NUP43: variants seen among roughly 807,000 people sequenced by gnomAD.
NUP43 encodes the protein nucleoporin 43, also known as nucleoporin Nup43.
In NUP43, 32 loss-of-function variants were observed where a neutral mutation model predicts 47.3. That is an observed-to-expected ratio of 0.68 (90% CI 0.51 to 0.91). The LOEUF (loss-of-function observed/expected upper bound fraction) is 0.91, where lower values mean the gene tolerates loss of function less well. NUP43 is among the 40% of genes least tolerant of loss of function. The probability of loss-of-function intolerance (pLI) is 0.00; values close to 1 mark genes in which losing one functional copy is unlikely to be tolerated. For missense variants in NUP43, 444 were observed against 453.9 expected, an observed-to-expected ratio of 0.98 and a Z score of 0.20; for synonymous variants, 147 against 158.4, an observed-to-expected ratio of 0.93 and a Z score of 0.54.
At chr6:149,730,303 C>T (rs576680765) in intron 7 of NUP43, among the ~76,000 whole-genome samples, 2 of 152,338 alleles carry the variant, frequency 1.3e-5, no homozygotes, top group Admixed American at 6.5e-5. Context: ...GCCACCACAC[C>T]CGGCCTGAGA....
chr6:149,743,240 C>T (rs1785763134), intron 3 of NUP43, among the ~76,000 whole-genome samples: 1 of 151,476 alleles, frequency 6.6e-6, no homozygotes, highest in Admixed American at 6.6e-5. Context: ...ATAGCTTTTT[C>T]TAAATGACTC....
Position 149,736,575 on chromosome 6 carries a change from T to C in NUP43, c.686A>G (p.Gln229Arg). 6.2e-7 allele frequency: 1 copy of C among 1,610,428 alleles called. No homozygotes were observed. Among genetic ancestry groups the C allele is most frequent in the Admixed American group, 1.7e-5 (1 of 59,984 alleles). Residue 229 changes from glutamine to arginine, a missense_variant, in exon 6 of 8, where the codon CAA becomes CGA. Physicochemically the swap from Gln to Arg is conservative, Grantham distance 43 (BLOSUM62 1). Coordinates refer to ENST00000340413, the MANE Select transcript of NUP43 (RefSeq NM_198887.3). ...PLHCVDRHPN[Q>R]QHVVATGGQD... ...GCCACCAGTAGCTACAACATGCTGT[T>C]GGTTGGGATGTCTATCAACACAGTG...
chr6:149,732,018 C>T (rs540362602), intron 6 of NUP43, among the ~76,000 whole-genome samples: 1 of 151,782 alleles, frequency 6.6e-6, no homozygotes, highest in African/African-American at 2.4e-5. Context: ...ACCATCTCTA[C>T]TAAAAATACA....
Position 149,731,677 on chromosome 6 carries a change from A to C in NUP43, c.849T>G (p.Asp283Glu), listed in dbSNP as rs1362788149. Residue 283 changes from aspartate (D) to glutamate (E), a missense_variant, in exon 7 of 8, where the codon GAT becomes GAG. Asp to Glu is a conservative substitution (Grantham distance 45). Transcript: ENST00000340413. ...AAGCATCCCAGTGCCAGAGGGATCC[A>C]TCTTCAGAGCAGGTAAAAAGATGTT... ...NPEHLFTCSE[D>E]GSLWHWDAST... 6 of 1,613,876 alleles carry C rather than the reference A, an allele frequency of 3.7e-6. No homozygotes were observed. The highest frequency in any genetic ancestry group is 5.1e-6 in the Non-Finnish European group (6 of 1,179,806).
intron 7 of NUP43, chr6:149,727,417 A>T (rs1784840028): frequency 1.0e-6 from 1 of 984,012 alleles, no homozygotes; most frequent in Non-Finnish European, 1.2e-6. Context: ...TGGATACCAA[A>T]CTCGAAGTCT....
chr6:149,744,992 C>T (rs969618661), intron 2 of NUP43, among the ~76,000 whole-genome samples: 1 of 150,380 alleles, frequency 6.6e-6, no homozygotes, highest in South Asian at 2.1e-4. Flanking sequence ...ACCTCTGCGC[C>T]CGGGTTCAAG....
chr6:149,735,536 A>T (rs556720591), intron 6 of NUP43, among the ~76,000 whole-genome samples: 1 of 144,140 alleles, frequency 6.9e-6, no homozygotes, highest in African/African-American at 2.6e-5. Context: ...TCAAGGCTGC[A>T]ATGAGCTATG....
At position 149,739,310 on chromosome 6, in the gene NUP43, T is replaced by C. The variant is rs147378737; in HGVS notation, c.503-532A>G. 1.1e-3 allele frequency among the ~76,000 whole-genome samples: 170 copies of C among 151,996 alleles called. 1 individual carries two copies. Among genetic ancestry groups the C allele is most frequent in the African/African-American group, 4.0e-3 (166 of 41,504 alleles). ...TTCTTTTTCTTTTTGTTTTTTGAGA[T>C]GGATCTCGCTCTGTCACCCAGGCTA... On this transcript the variant is annotated intron_variant, in intron 4 of 7. Transcript: ENST00000340413.
chr6:149,742,589 G>A lies in NUP43; in HGVS notation c.322-19C>T. On this transcript the variant is annotated intron_variant, in intron 3 of 7. Transcript: ENST00000340413. ...ACAGAGTCTAGGCATCAGAAATGAG[G>A]ATACTATTAAAGCAAAGTACTAAGG... is the stretch of plus-strand genomic sequence containing the variant. 1 of 1,605,960 alleles carries A rather than the reference G, an allele frequency of 6.2e-7. No homozygotes were observed. The highest frequency in any genetic ancestry group is 2.2e-5 in the East Asian group (1 of 44,720).
At chr6:149,743,602 A>C in intron 3 of NUP43, 36 bp downstream of exon 3, 3 of 1,422,518 alleles carry the variant, frequency 2.1e-6, no homozygotes, top group Non-Finnish European at 2.9e-6. Flanking sequence ...CATTTCAAAA[A>C]AAAAAAAAAT....
At chr6:149,732,544 T>C (rs565113117) in intron 6 of NUP43, among the ~76,000 whole-genome samples, 63 of 133,112 alleles carry the variant, frequency 4.7e-4, no homozygotes, top group Middle Eastern at 6.3e-3. Flanking sequence ...TGAGACTCTG[T>C]CTCAAGGAAA....
chr6:149,733,056 T>G (rs1204016094), intron 6 of NUP43, among the ~76,000 whole-genome samples: 1 of 152,110 alleles, frequency 6.6e-6, no homozygotes, highest in Non-Finnish European at 1.5e-5. Flanking sequence ...GGAATGACTG[T>G]CTTTTACGGA....
intron 6 of NUP43, among the ~76,000 whole-genome samples, chr6:149,735,086 G>A (rs1273824094): frequency 6.6e-6 from 1 of 151,986 alleles, no homozygotes; most frequent in Non-Finnish European, 1.5e-5. Flanking sequence ...TTCAGGGAGT[G>A]GGGTCTCACT....
chr6:149,745,516 A>C (rs942744424), intron 2 of NUP43, among the ~76,000 whole-genome samples: 5 of 152,132 alleles, frequency 3.3e-5, no homozygotes, highest in African/African-American at 4.8e-5. Flanking sequence ...GGGAGCACTA[A>C]TCTCTACTTA....
chr6:149,738,883 T>C, intron 4 of NUP43, 105 bp from the exon 5 acceptor site: 1 of 584,744 alleles, frequency 1.7e-6, no homozygotes, highest in Non-Finnish European at 2.7e-6. Context: ...CAATTTCCAG[T>C]AACTTATAAT....
At chr6:149,728,992 C>A (rs557095445) in intron 7 of NUP43, among the ~76,000 whole-genome samples, 2 of 152,124 alleles carry the variant, frequency 1.3e-5, no homozygotes, top group African/African-American at 4.8e-5. Context: ...ATGTTATTTT[C>A]CTTTTTCTTT....
rs57726234 is a variant in NUP43 at position 149,735,598 on chromosome 6, C to CAAAAAAA, written c.790+866_790+872dup. Among the ~76,000 whole-genome samples the CAAAAAAA allele has an allele frequency of 8.4e-4, 43 of 51,300 alleles. 3 individuals carry two copies. The highest frequency in any genetic ancestry group is 3.2e-3 in the African/African-American group (38 of 11,816). 33.7% of individuals were successfully genotyped at this position (51,300 alleles called of 152,430 possible). ...AGGCAACAGAGAGAGACCCTGTCTC[C>CAAAAAAA]AAAAAAAAAAAAAAAAAAAAAACAC... On this transcript the variant is annotated intron_variant, in intron 6 of 7. Transcript: ENST00000340413.
rs752630671 is a variant in NUP43 at position 149,746,505 on chromosome 6, G to C, written c.-10C>G. On this transcript the variant is annotated 5_prime_UTR_variant, in exon 1 of 8. Coordinates refer to ENST00000340413, the MANE Select transcript of NUP43 (RefSeq NM_198887.3). The stretch of plus-strand genomic sequence containing the variant: ...CATAAATTTCCTCCATGCCGAAAGC[G>C]GCCGCAGCAGGTACTGCAAAAAGCA... The C allele has an allele frequency of 3.1e-6, 5 of 1,614,154 alleles. No homozygotes were observed. In the Admixed American group the frequency reaches 8.3e-5, roughly 27 times the overall value.
At chr6:149,748,856 G>A (rs73779552), upstream of NUP43, among the ~76,000 whole-genome samples, 907 of 151,380 alleles carry the variant, frequency 6.0e-3, 13 homozygotes, top group African/African-American at 0.021. Flanking sequence ...CTAGATGATG[G>A]CTGGATTCTG....
Sources: gnomAD v4.1 joint callset for allele counts (sites outside exome capture counted in the v4.1 genomes callset) on GRCh38, gnomAD v4.1.1 for gene constraint, MANE v1.5 for transcripts, NCBI Gene and HGNC (gene_info 2026-07-23, HGNC 2026-07-21) for gene names.